Variants in SLC25A32 observed in about 807,000 individuals in gnomAD.
The protein encoded by SLC25A32 is solute carrier family 25 member 32.
In SLC25A32, 32 loss-of-function variants were observed where a neutral mutation model predicts 39.0. That is an observed-to-expected ratio of 0.82 (90% confidence interval 0.62 to 1.10). SLC25A32 has a LOEUF of 1.10. Among genes scored for constraint, SLC25A32 ranks in the 50% least tolerant of loss-of-function variants. The probability of loss-of-function intolerance (pLI) is 0.00; values close to 1 mark genes in which losing one functional copy is unlikely to be tolerated. For missense variants in SLC25A32, 367 were observed against 395.3 expected, an observed-to-expected ratio of 0.93 and a Z score of 0.61; for synonymous variants, 166 against 152.4, an observed-to-expected ratio of 1.09 and a Z score of -0.66.
chr8:103,414,671 G>C, intron 1 of SLC25A32, 113 bp downstream of exon 1: 1 of 1,307,354 alleles, frequency 7.6e-7, no homozygotes, highest in Non-Finnish European at 1.0e-6. Context: ...AGCCAACGCG[G>C]ACAGCAACGC....
intron 4 of SLC25A32, among the ~76,000 whole-genome samples, 190 bp downstream of exon 4, chr8:103,402,974 T>C (rs967420192): frequency 3.3e-5 from 5 of 152,174 alleles, no homozygotes; most frequent in Admixed American, 6.5e-5. Context: ...ATACATCCTA[T>C]GTTAATGGGG....
rs940032081 is a variant in SLC25A32, at chr8:103,414,600, C to G, written c.154+184G>C. 11 of 743,296 alleles carry G rather than the reference C, an allele frequency of 1.5e-5. No individual in the cohort carries two copies. In the African/African-American group the frequency reaches 1.6e-4, roughly 11 times the overall value. The allele number at this position is 743,296 out of a possible 1,614,324, so 46.0% of individuals were successfully genotyped here. A position where few individuals can be genotyped will look rare whatever the true frequency, so the allele number is the denominator to read the frequency against. ...TGCCCCCTCTCTTAGTCTTGAGGAG[C>G]GGGGAAGATCGCAGGCCGACCCCTC... On this transcript the variant is annotated intron_variant, in intron 1 of 6. Transcript: ENST00000297578.
Position 103,401,556 on chromosome 8 carries a change from A to C in SLC25A32, c.772T>G (p.Phe258Val), listed in dbSNP as rs759228145. The C allele has an allele frequency of 6.2e-7, 1 of 1,613,840 alleles. No homozygotes were observed. The highest frequency in any genetic ancestry group is 8.5e-7 in the Non-Finnish European group (1 of 1,179,854). Reference sequence around the variant, plus strand: ...ATTACATCTATTACACCACTGTAAAACATGTGTTGATCCTGAAGACGAGCT... The same window carrying C: ...ATTACATCTATTACACCACTGTAAACCATGTGTTGATCCTGAAGACGAGCT... ...VRARLQDQHM[F>V]YSGVIDVITK... Residue 258 changes from phenylalanine (F) to valine (V), a missense_variant, in exon 6 of 7, where the codon TTT (phenylalanine) becomes GTT (valine). By Grantham distance (50) the Phe-to-Val change is conservative. Coordinates refer to ENST00000297578, the MANE Select transcript of SLC25A32 (RefSeq NM_030780.5).
chr8:103,409,232 A>G (rs1013273058), intron 1 of SLC25A32, among the ~76,000 whole-genome samples: 2 of 92,046 alleles, frequency 2.2e-5, no homozygotes, highest in Admixed American at 9.7e-5. Context: ...ACCATTCTAC[A>G]TTATACTACA....
chr8:103,411,660 C>A (rs764839705), intron 1 of SLC25A32, among the ~76,000 whole-genome samples: 4 of 152,104 alleles, frequency 2.6e-5, no homozygotes, highest in Non-Finnish European at 4.4e-5. Flanking sequence ...CTTTTCTCTG[C>A]CCATCCTTAA....
Position 103,407,650 on chromosome 8 carries a change from C to T in SLC25A32, c.289G>A (p.Gly97Arg). ...PNIWGAGLSW[G>R]LYFFFYNAIK... is the part of the protein sequence containing the mutation. ...TCTACTCACAAGAAAAAGTAGAGTCCCCAGGATAAACCTGCACCCCATATA... is the reference window on the plus strand; with the variant it reads ...TCTACTCACAAGAAAAAGTAGAGTCTCCAGGATAAACCTGCACCCCATATA... The change falls in exon 2 of 7, where the codon GGA becomes AGA. Residue 97 changes from glycine (G) to arginine (R), a missense_variant. Physicochemically the swap from Gly to Arg is moderately radical, Grantham distance 125 (BLOSUM62 -2). Transcript: ENST00000297578. The T allele has an allele frequency of 6.3e-7, 1 of 1,590,558 alleles. No homozygotes were observed.
At chr8:103,409,540 A>C (rs1012746037) in intron 1 of SLC25A32, among the ~76,000 whole-genome samples, 2 of 152,164 alleles carry the variant, frequency 1.3e-5, no homozygotes, top group Non-Finnish European at 2.9e-5. Flanking sequence ...TTAGAAAGGG[A>C]ACTGATATGG....
intron 2 of SLC25A32, among the ~76,000 whole-genome samples, chr8:103,406,069 A>G (rs537880598): frequency 1.1e-3 from 165 of 145,704 alleles, no homozygotes; most frequent in South Asian, 3.8e-3. Flanking sequence ...GTGTGTGTAT[A>G]TATATATATA....
chr8:103,402,742 T>C (rs1816244481), intron 4 of SLC25A32: 1 of 152,280 alleles, frequency 6.6e-6, no homozygotes, highest in Non-Finnish European at 1.5e-5. Flanking sequence ...TTTGTTTCGT[T>C]ATTTTTAAAT....
intron 6 of SLC25A32, among the ~76,000 whole-genome samples, chr8:103,401,131 A>G (rs1586109863): frequency 6.6e-6 from 1 of 152,358 alleles, no homozygotes; most frequent in African/African-American, 2.4e-5. Flanking sequence ...TCATATATGG[A>G]AACAAGTATT....
In SLC25A32 at chr8:103,402,077, A is replaced by G. The variant is rs377423294; in HGVS notation, c.553-23T>C. ...TCCCTACAAGGGAATGATTTTTAAA[A>G]AGCAAAACAACATACGTTTGAAGAA... On this transcript the variant is annotated intron_variant, in intron 4 of 6. Coordinates refer to ENST00000297578, the MANE Select transcript of SLC25A32 (RefSeq NM_030780.5). 5.3e-4 allele frequency: 808 copies of G among 1,511,518 alleles called. 3 individuals carry two copies. The highest frequency in any genetic ancestry group is 5.2e-3 in the South Asian group (425 of 82,468). The allele number at this position is 1,511,518 out of a possible 1,614,324, so 93.6% of individuals were successfully genotyped here.
At chr8:103,409,430 C>T (rs1199365632) in intron 1 of SLC25A32, among the ~76,000 whole-genome samples, 1 of 151,900 alleles carries the variant, frequency 6.6e-6, no homozygotes, top group Non-Finnish European at 1.5e-5. Flanking sequence ...TCCACCTGAC[C>T]TATGAATTCT....
chr8:103,406,082 C>G lies in SLC25A32; in HGVS notation c.306-1221G>C, dbSNP rs4734708. 4.8e-5 allele frequency among the ~76,000 whole-genome samples: 7 copies of G among 145,450 alleles called. No individual in the cohort carries two copies. In the South Asian group the frequency reaches 1.5e-3, roughly 31 times the overall value. Reference sequence around the variant, plus strand: ...GTGTGTGTGTATATATATATATATACACACACACATATACATAAACATATC... The same window carrying G: ...GTGTGTGTGTATATATATATATATAGACACACACATATACATAAACATATC... On this transcript the variant is annotated intron_variant, in intron 2 of 6. Coordinates refer to ENST00000297578, the MANE Select transcript of SLC25A32 (RefSeq NM_030780.5).
At chr8:103,407,121 G>T (rs1816350522) in intron 2 of SLC25A32, among the ~76,000 whole-genome samples, 1 of 152,132 alleles carries the variant, frequency 6.6e-6, no homozygotes, top group South Asian at 2.1e-4. Flanking sequence ...AATTAGAAAT[G>T]CTCACAAGTA....
intron 3 of SLC25A32, among the ~76,000 whole-genome samples, chr8:103,403,893 A>T (rs1026555653): frequency 3.9e-4 from 59 of 152,214 alleles, no homozygotes; most frequent in African/African-American, 1.4e-3. Context: ...CAATTTTATT[A>T]AAAAATTCAT....
chr8:103,411,465 T>C (rs2130454788), intron 1 of SLC25A32, among the ~76,000 whole-genome samples: 1 of 152,154 alleles, frequency 6.6e-6, no homozygotes, highest in Middle Eastern at 3.4e-3. Flanking sequence ...TGCAATCTGG[T>C]TTGAGCTTTA....
intron 2 of SLC25A32, among the ~76,000 whole-genome samples, chr8:103,405,371 G>A (rs1276432446): frequency 6.6e-6 from 1 of 152,142 alleles, no homozygotes; most frequent in South Asian, 2.1e-4. Context: ...AGAAATTCAG[G>A]AATTATGACT....
Position 103,401,967 on chromosome 8 carries a change from T to G in SLC25A32, c.640A>C (p.Ile214Leu), listed in dbSNP as rs1816227924. ...AACTGGGCTTCTGGTAATCTATTGA[T>G]ATGCTGGTTGTACTTCAACTTCAGC... Reference protein sequence around the residue: ...ELLKLKYNQHINRLPEAQLST... With the variant: ...ELLKLKYNQHLNRLPEAQLST... The change falls in exon 5 of 7, where the codon ATC (isoleucine) becomes CTC (leucine). Residue 214 changes from isoleucine (I) to leucine (L), a missense_variant. Ile to Leu is a conservative substitution (Grantham distance 5). Transcript: ENST00000297578. The G allele has an allele frequency of 1.9e-6, 3 of 1,612,920 alleles. No individual in the cohort carries two copies. Among genetic ancestry groups the G allele is most frequent in the Non-Finnish European group, 2.5e-6 (3 of 1,179,222 alleles).
chr8:103,406,187 C>A (rs1355663178), intron 2 of SLC25A32, among the ~76,000 whole-genome samples: 1 of 151,534 alleles, frequency 6.6e-6, no homozygotes, highest in African/African-American at 2.4e-5. Context: ...TTCACACACA[C>A]CTCTCTAAAG....
Sources: allele counts gnomAD v4.1 joint callset (sites outside exome capture counted in the v4.1 genomes callset), GRCh38; gene constraint gnomAD v4.1.1; transcripts MANE v1.5; gene names NCBI Gene and HGNC (gene_info 2026-07-23, HGNC 2026-07-21).